The following KLHL25 variants were observed in gnomAD, a reference collection of about 807,000 sequenced individuals.
KLHL25 encodes the protein kelch-like protein 25.
Under a neutral mutation model 30.0 loss-of-function variants are expected in KLHL25, and 41 were observed. The observed-to-expected ratio is 1.37, with a 90% CI of 1.07 to 1.78. The LOEUF is 1.78. Among genes scored for constraint, KLHL25 ranks in the 40% most tolerant of loss-of-function variants. The probability of loss-of-function intolerance (pLI) is 0.00; values close to 1 mark genes in which losing one functional copy is unlikely to be tolerated. For missense variants in KLHL25, 971 were observed against 824.5 expected, an observed-to-expected ratio of 1.18 and a Z score of -2.18; for synonymous variants, 399 against 355.3, an observed-to-expected ratio of 1.12 and a Z score of -1.38.
chr15:85,776,414 G>A (rs1237998955), intron 1 of KLHL25, among the ~76,000 whole-genome samples: 1 of 144,338 alleles, frequency 6.9e-6, no homozygotes, highest in East Asian at 2.1e-4. Flanking sequence ...GCTCAAACCT[G>A]GGAGGTGAAG....
At chr15:85,771,378 C>T (rs979677884) in intron 1 of KLHL25, among the ~76,000 whole-genome samples, 2 of 152,206 alleles carry the variant, frequency 1.3e-5, no homozygotes, top group African/African-American at 4.8e-5. Flanking sequence ...ATGTAACTCT[C>T]CTGCCGCCTC....
intron 1 of KLHL25, among the ~76,000 whole-genome samples, chr15:85,773,601 C>T (rs910121445): frequency 1.3e-5 from 2 of 152,128 alleles, no homozygotes; most frequent in Admixed American, 6.5e-5. Context: ...ACGTGCCAGG[C>T]CTGGCTGATG....
intron 1 of KLHL25, among the ~76,000 whole-genome samples, chr15:85,774,103 C>T (rs1044874093): frequency 1.5e-4 from 23 of 152,086 alleles, no homozygotes; most frequent in African/African-American, 5.6e-4. Context: ...CTCCCAGCGG[C>T]GGGGGGTGGG....
chr15:85,769,087 G>A lies in KLHL25; in HGVS notation c.724C>T (p.Pro242Ser). The A allele has an allele frequency of 6.2e-7, 1 of 1,606,614 alleles. No homozygotes were observed. Among genetic ancestry groups the A allele is most frequent in the Non-Finnish European group, 8.5e-7 (1 of 1,175,380 alleles). Residue 242 changes from proline to serine, a missense_variant, in exon 2 of 3, where the codon CCG becomes TCG. Physicochemically the swap from Pro to Ser is moderately conservative, Grantham distance 74 (BLOSUM62 -1). Coordinates refer to ENST00000337975, the MANE Select transcript of KLHL25 (RefSeq NM_022480.4). ...LLRSVRLALL[P>S]SDCLQEAVSS... The stretch of plus-strand genomic sequence containing the variant: ...ACGGCCTCCTGCAGGCAGTCGGACG[G>A]CAGCAAGGCCAGACGCACGCTGCGG...
intron 1 of KLHL25, among the ~76,000 whole-genome samples, chr15:85,783,343 C>G (rs1369170061): frequency 6.6e-6 from 1 of 151,962 alleles, no homozygotes; most frequent in Non-Finnish European, 1.5e-5. Flanking sequence ...ATCCACCTGC[C>G]TTGGCCTCCC....
rs34381260 is a variant in KLHL25, at chr15:85,770,563, CT to C, written c.-10-744del. 3 of 533,414 alleles carry C rather than the reference CT, an allele frequency of 5.6e-6. No homozygotes were observed. In the East Asian group the frequency reaches 1.6e-4, roughly 29 times the overall value. The allele number at this position is 533,414 out of a possible 1,614,324, so 33.0% of individuals were successfully genotyped here. On this transcript the variant is annotated intron_variant, in intron 1 of 2. Coordinates refer to ENST00000337975, the MANE Select transcript of KLHL25 (RefSeq NM_022480.4). ...TGAATCCAGGTGTCTCCACAGGGCT[CT>C]TTACCTAGCTGGGGCAAGTGATGGC...
chr15:85,771,769 A>G (rs1247270959), intron 1 of KLHL25, among the ~76,000 whole-genome samples: 1 of 152,210 alleles, frequency 6.6e-6, no homozygotes, highest in Non-Finnish European at 1.5e-5. Flanking sequence ...TCCAGGCTGT[A>G]TCCTGGCTCC....
At chr15:85,782,534 A>C (rs1345319624) in intron 1 of KLHL25, among the ~76,000 whole-genome samples, 3 of 122,042 alleles carry the variant, frequency 2.5e-5, no homozygotes, top group South Asian at 2.6e-4. Flanking sequence ...CCTTCCTCTC[A>C]TTCTCCCTGC....
chr15:85,763,531 C>G (rs761003571), intron 2 of KLHL25: 1 of 152,218 alleles, frequency 6.6e-6, no homozygotes, highest in Admixed American at 6.6e-5. Flanking sequence ...GACGCTCACA[C>G]CTATGAAGAG....
chr15:85,774,449 G>C (rs2089696953), intron 1 of KLHL25, among the ~76,000 whole-genome samples: 1 of 152,174 alleles, frequency 6.6e-6, no homozygotes, highest in Non-Finnish European at 1.5e-5. Context: ...TCTTTGGAAA[G>C]TTAAATGCAC....
At chr15:85,777,898 T>A (rs1290586086) in intron 1 of KLHL25, among the ~76,000 whole-genome samples, 1 of 152,192 alleles carries the variant, frequency 6.6e-6, no homozygotes, top group East Asian at 1.9e-4. Flanking sequence ...CCAAATCAAA[T>A]GCACGACTAT....
At chr15:85,782,560 C>T (rs533463520) in intron 1 of KLHL25, among the ~76,000 whole-genome samples, 18 of 151,842 alleles carry the variant, frequency 1.2e-4, no homozygotes, top group African/African-American at 4.4e-4. Flanking sequence ...CCCACACCCT[C>T]ACCTCCCCAA....
At chr15:85,775,416 G>A (rs1448992090) in intron 1 of KLHL25, among the ~76,000 whole-genome samples, 2 of 152,180 alleles carry the variant, frequency 1.3e-5, no homozygotes, top group African/African-American at 2.4e-5. Flanking sequence ...CCCTGCAGGA[G>A]CTGACGCTGA....
At chr15:85,770,625 C>A (rs781749261) in intron 1 of KLHL25, 1 of 511,404 alleles carries the variant, frequency 2.0e-6, no homozygotes, top group Non-Finnish European at 4.0e-6. Context: ...ACCCTCGAGA[C>A]CAACGCAGAG....
chr15:85,785,959 G>A (rs1291671524), intron 1 of KLHL25, among the ~76,000 whole-genome samples: 4 of 106,514 alleles, frequency 3.8e-5, no homozygotes, highest in Admixed American at 1.1e-4. Context: ...AAAGGCAGCC[G>A]ACCCACCCCC....
At chr15:85,765,056 G>A (rs1469015322) in intron 2 of KLHL25, among the ~76,000 whole-genome samples, 1 of 152,178 alleles carries the variant, frequency 6.6e-6, no homozygotes, top group East Asian at 1.9e-4. Flanking sequence ...TGACCTGGAG[G>A]GTAGGCAGGG....
At chr15:85,793,670 G>T (rs2089831374) in intron 1 of KLHL25, among the ~76,000 whole-genome samples, 1 of 152,168 alleles carries the variant, frequency 6.6e-6, no homozygotes, top group African/African-American at 2.4e-5. Flanking sequence ...GTGGAATCCT[G>T]CCTCCTCTCC....
intron 1 of KLHL25, among the ~76,000 whole-genome samples, chr15:85,778,471 C>T (rs1011416674): frequency 1.3e-5 from 2 of 152,234 alleles, no homozygotes; most frequent in African/African-American, 2.4e-5. Flanking sequence ...CAGCACTTCA[C>T]GTGTTAACTC....
intron 1 of KLHL25, among the ~76,000 whole-genome samples, chr15:85,774,985 T>C (rs1379342585): frequency 1.3e-5 from 2 of 151,514 alleles, no homozygotes; most frequent in Non-Finnish European, 2.9e-5. Flanking sequence ...CAAGCAATTC[T>C]CCTGCCTCAG....
Sources: allele counts gnomAD v4.1 joint callset (sites outside exome capture counted in the v4.1 genomes callset), GRCh38; gene constraint gnomAD v4.1.1; transcripts MANE v1.5; gene names NCBI Gene and HGNC (gene_info 2026-07-23, HGNC 2026-07-21).